DNAH7: variants seen among roughly 807,000 people sequenced by gnomAD.
DNAH7 encodes axonemal beta dynein heavy chain 7.
A neutral mutation model predicts 444.6 loss-of-function variants in DNAH7; 397 were observed. The ratio of observed to expected loss-of-function variants is 0.89; its 90% CI spans 0.82 to 0.97. The LOEUF (loss-of-function observed/expected upper bound fraction) is 0.97, where lower values mean the gene tolerates loss of function less well. Among genes scored for constraint, DNAH7 ranks in the 50% least tolerant of loss-of-function variants. The pLI is 0.00. For synonymous variants in DNAH7, 1,636 were observed against 1,624.4 expected, an observed-to-expected ratio of 1.01 and a Z score of -0.17; for missense variants, 4,902 against 4,800.8, an observed-to-expected ratio of 1.02 and a Z score of -0.62.
At chr2:195,957,545 T>C (rs1690759936) in intron 18 of DNAH7, 98 bp from the exon 19 acceptor site, 2 of 837,216 alleles carry the variant, frequency 2.4e-6, no homozygotes, top group South Asian at 5.4e-5. Context: ...ATGTTGTATA[T>C]AATGTTATAC....
intron 47 of DNAH7, among the ~76,000 whole-genome samples, chr2:195,843,282 T>C (rs1268444090): frequency 6.6e-6 from 1 of 152,200 alleles, no homozygotes; most frequent in Non-Finnish European, 1.5e-5. Flanking sequence ...TCTGCTAAAA[T>C]CTTTATTTTA....
chr2:195,954,493 T>C (rs965661724), intron 19 of DNAH7, among the ~76,000 whole-genome samples: 1 of 152,214 alleles, frequency 6.6e-6, no homozygotes, highest in Non-Finnish European at 1.5e-5. Context: ...AACATACATA[T>C]GCATGTGTTT....
At chr2:196,050,828 T>C (rs188006535) in intron 3 of DNAH7, among the ~76,000 whole-genome samples, 60 of 152,318 alleles carry the variant, frequency 3.9e-4, no homozygotes, top group African/African-American at 1.3e-3. Flanking sequence ...CAGCTCATTT[T>C]CAAACTCAGA....
At position 195,922,339 on chromosome 2, in the gene DNAH7, A is replaced by T. The variant is rs1285180128; in HGVS notation, c.3826-142T>A. On this transcript the variant is annotated intron_variant, in intron 23 of 64. Coordinates refer to ENST00000312428, the MANE Select transcript of DNAH7 (RefSeq NM_018897.3). ...TGTCATTTGATTCCATGGCAGAATT[A>T]AGTATCTAGTTTCCATCGATGAATA... The T allele has an allele frequency of 1.0e-5, 6 of 600,306 alleles. No homozygotes were observed. In the African/African-American group the frequency reaches 1.1e-4, roughly 11 times the overall value. 37.2% of individuals were successfully genotyped at this position (600,306 alleles called of 1,614,324 possible).
At chr2:195,962,304 C>T (rs1168081858) in intron 17 of DNAH7, among the ~76,000 whole-genome samples, 1 of 152,096 alleles carries the variant, frequency 6.6e-6, no homozygotes, top group African/African-American at 2.4e-5. Context: ...GTATCCATTC[C>T]CTCAAATATT....
intron 5 of DNAH7, among the ~76,000 whole-genome samples, chr2:196,038,083 C>T (rs1559358752): frequency 6.6e-6 from 1 of 151,568 alleles, no homozygotes; most frequent in African/African-American, 2.4e-5. Flanking sequence ...ACCTTAAAGA[C>T]CAAGACAGAA....
At chr2:196,010,723 G>A (rs942643595) in intron 10 of DNAH7, among the ~76,000 whole-genome samples, 4 of 152,072 alleles carry the variant, frequency 2.6e-5, no homozygotes, top group African/African-American at 9.7e-5. Context: ...GTGTATGTGT[G>A]TGTGTATAGT....
At chr2:195,778,623 A>G in intron 58 of DNAH7, among the ~76,000 whole-genome samples, 1 of 37,982 alleles carries the variant, frequency 2.6e-5, no homozygotes, top group Admixed American at 2.9e-4. Flanking sequence ...TGTCTGAAAA[A>G]AAAAAAAAAT....
chr2:195,809,454 A>G (rs2124856977), intron 52 of DNAH7, among the ~76,000 whole-genome samples: 1 of 152,318 alleles, frequency 6.6e-6, no homozygotes, highest in African/African-American at 2.4e-5. Context: ...CCTGGTGTAA[A>G]CGTATCAATA....
At chr2:195,797,072 C>T (rs935010347) in intron 55 of DNAH7, among the ~76,000 whole-genome samples, 2 of 152,138 alleles carry the variant, frequency 1.3e-5, no homozygotes, top group African/African-American at 4.8e-5. Flanking sequence ...GCAGCAACTC[C>T]TAAAATCCAA....
Position 195,812,461 on chromosome 2 carries a change from T to G in DNAH7, c.9762-2590A>C, listed in dbSNP as rs188477114. 8.5e-5 allele frequency among the ~76,000 whole-genome samples: 13 copies of G among 152,304 alleles called. 1 individual carries two copies. The highest frequency in any genetic ancestry group is 3.1e-4 in the African/African-American group (13 of 41,570). ...GATATTTAACAAAACCATATCCTAG[T>G]TAGATTTGGTTTCTATATTTATGTT... On this transcript the variant is annotated intron_variant, in intron 51 of 64. Transcript: ENST00000312428.
At chr2:195,855,575 C>T (rs1699644764) in intron 45 of DNAH7, among the ~76,000 whole-genome samples, 1 of 151,634 alleles carries the variant, frequency 6.6e-6, no homozygotes, top group Non-Finnish European at 1.5e-5. Context: ...AGGATATTTA[C>T]ATATTTCATG....
intron 50 of DNAH7, among the ~76,000 whole-genome samples, 167 bp downstream of exon 50, chr2:195,817,529 G>A (rs1697282398): frequency 6.6e-6 from 1 of 152,102 alleles, no homozygotes; most frequent in Non-Finnish European, 1.5e-5. Context: ...ACTCAGTAAC[G>A]CAGTTTTCTA....
In DNAH7 at chr2:195,806,631, G is replaced by A. The variant is rs998894504; in HGVS notation, c.10176+109C>T. ...TTAGAAAGAAGTGGGATTATTTCCC[G>A]CAGGCTCCTCTACCTCCCCCATGAT... On this transcript the variant is annotated intron_variant, in intron 54 of 64. Coordinates refer to ENST00000312428, the MANE Select transcript of DNAH7 (RefSeq NM_018897.3). The A allele has an allele frequency of 8.0e-5, 62 of 775,206 alleles. 1 individual carries two copies. The highest frequency in any genetic ancestry group is 3.7e-4 in the South Asian group (12 of 32,824). 48.0% of individuals were successfully genotyped at this position (775,206 alleles called of 1,614,324 possible).
Position 195,864,543 on chromosome 2 carries a change from T to C in DNAH7, c.7112A>G (p.Tyr2371Cys), listed in dbSNP as rs372659923. 6 of 1,614,184 alleles carry C rather than the reference T, an allele frequency of 3.7e-6. No individual in the cohort carries two copies. Among genetic ancestry groups the C allele is most frequent in the Admixed American group, 1.7e-5 (1 of 60,014 alleles). The change falls in exon 41 of 65, where the codon TAT becomes TGT. Residue 2371 changes from tyrosine to cysteine, a missense_variant. By Grantham distance (194) the Tyr-to-Cys change is radical. Coordinates refer to ENST00000312428, the MANE Select transcript of DNAH7 (RefSeq NM_018897.3). ...SVFQVEISKG[Y>C]DTTEWHEDLK... ...ATCTTCATGCCATTCAGTAGTATCA[T>C]ACCCCTTAGAGATTTCAACTTGGAA...
intron 2 of DNAH7, among the ~76,000 whole-genome samples, chr2:196,051,977 C>T (rs1224804073): frequency 2.0e-5 from 3 of 152,154 alleles, no homozygotes; most frequent in Non-Finnish European, 4.4e-5. Context: ...GTACGTAAGT[C>T]CTGGATTGCA....
At chr2:195,940,296 G>A (rs528904535) in intron 19 of DNAH7, among the ~76,000 whole-genome samples, 1 of 152,144 alleles carries the variant, frequency 6.6e-6, no homozygotes, top group Non-Finnish European at 1.5e-5. Flanking sequence ...TTAACAAATG[G>A]TGCTGAGAAA....
At chr2:195,824,493 T>G (rs768224180) in intron 48 of DNAH7, 48 bp from the exon 49 acceptor site, 4 of 1,411,170 alleles carry the variant, frequency 2.8e-6, no homozygotes, top group Non-Finnish European at 3.8e-6. Flanking sequence ...ATATTGACTA[T>G]AAATATTATA....
intron 5 of DNAH7, among the ~76,000 whole-genome samples, chr2:196,036,772 G>A (rs1696420446): frequency 6.6e-6 from 1 of 152,152 alleles, no homozygotes. Flanking sequence ...ACTATTGCTG[G>A]CATCTATGCA....
Sources: gnomAD v4.1 joint callset for allele counts (sites outside exome capture counted in the v4.1 genomes callset) on GRCh38, gnomAD v4.1.1 for gene constraint, MANE v1.5 for transcripts, NCBI Gene and HGNC (gene_info 2026-07-23, HGNC 2026-07-21) for gene names.